The following STPG2 variants were observed in gnomAD, a reference collection of about 807,000 sequenced individuals.
STPG2 encodes the protein sperm tail PG-rich repeat containing 2, also known as sperm-tail PG-rich repeat-containing protein 2.
Under a neutral mutation model 54.2 loss-of-function variants are expected in STPG2, and 56 were observed. That is an observed-to-expected ratio of 1.03 (90% CI 0.83 to 1.29). The LOEUF (loss-of-function observed/expected upper bound fraction) is 1.29, where lower values mean the gene tolerates loss of function less well. Among genes scored for constraint, STPG2 ranks in the 50% most tolerant of loss-of-function variants. STPG2 has a pLI of 0.00. For synonymous variants in STPG2, 200 were observed against 181.8 expected, an observed-to-expected ratio of 1.10 and a Z score of -0.81; for missense variants, 596 against 544.9, an observed-to-expected ratio of 1.09 and a Z score of -0.93.
At position 98,021,302 on chromosome 4, in the gene STPG2, G is replaced by A. The variant is rs1433029870; in HGVS notation, c.613-39984C>T. On this transcript the variant is annotated intron_variant, in intron 5 of 10. Coordinates refer to ENST00000295268, the MANE Select transcript of STPG2 (RefSeq NM_174952.3). ...CCCAGTAGTCATTCAGGAGCAGGTTGTTCAGTTTCCATGTAGTTGAGCGGT... is the reference window on the plus strand; with the variant it reads ...CCCAGTAGTCATTCAGGAGCAGGTTATTCAGTTTCCATGTAGTTGAGCGGT... Among the ~76,000 whole-genome samples the A allele has an allele frequency of 2.2e-4, 28 of 127,026 alleles. 4 individuals are homozygous for A. The highest frequency in any genetic ancestry group is 1.8e-3 in the Admixed American group (24 of 13,344). The allele number at this position is 127,026 out of a possible 152,430, so 83.3% of individuals were successfully genotyped here.
intron 10 of STPG2, among the ~76,000 whole-genome samples, chr4:97,574,874 G>A (rs1213690011): frequency 2.0e-5 from 3 of 151,782 alleles, no homozygotes; most frequent in Non-Finnish European, 4.4e-5. Context: ...CAATGTATAT[G>A]TAAAAAATTT....
Position 98,143,247 on chromosome 4 carries a change from GTC to G in STPG2, c.-99_-98del. 5.7e-6 allele frequency: 5 copies of G among 870,052 alleles called. No homozygotes were observed. Among genetic ancestry groups the G allele is most frequent in the Non-Finnish European group, 7.1e-6 (4 of 563,858 alleles). 53.9% of individuals were successfully genotyped at this position (870,052 alleles called of 1,614,324 possible). On this transcript the variant is annotated 5_prime_UTR_variant, in exon 1 of 11. It removes the in-frame stop codon of an upstream open reading frame in the 5' UTR. Coordinates refer to ENST00000295268, the MANE Select transcript of STPG2 (RefSeq NM_174952.3). ...GTGGAGAAAAAGGAAGCCGACACCA[GTC>G]TGAGGAGGCCGGGAAAGAACTTCCG...
chr4:97,958,802 C>G (rs568111195), intron 7 of STPG2, among the ~76,000 whole-genome samples: 1 of 152,258 alleles, frequency 6.6e-6, no homozygotes, highest in South Asian at 2.1e-4. Flanking sequence ...ACGCACAGCA[C>G]TAGACAGGTC....
intron 5 of STPG2, among the ~76,000 whole-genome samples, chr4:98,071,224 G>A (rs1323951952): frequency 6.6e-6 from 1 of 152,098 alleles, no homozygotes; most frequent in Non-Finnish European, 1.5e-5. Context: ...CAGACTCATA[G>A]ACAAATGAAA....
intron 5 of STPG2, among the ~76,000 whole-genome samples, chr4:98,078,503 A>G (rs1738240416): frequency 6.6e-6 from 1 of 152,040 alleles, no homozygotes; most frequent in Non-Finnish European, 1.5e-5. Flanking sequence ...TCAGTGTTTT[A>G]AGTATATACA....
At chr4:98,066,919 A>G (rs959108018) in intron 5 of STPG2, among the ~76,000 whole-genome samples, 4 of 152,194 alleles carry the variant, frequency 2.6e-5, no homozygotes, top group South Asian at 4.1e-4. Context: ...TTAAATATAT[A>G]ATATGTATTC....
At chr4:98,070,532 G>A (rs551736955) in intron 5 of STPG2, among the ~76,000 whole-genome samples, 1 of 151,434 alleles carries the variant, frequency 6.6e-6, no homozygotes, top group Admixed American at 6.6e-5. Flanking sequence ...TATGGCAAGA[G>A]AAAGAAATAA....
At chr4:97,684,546 ATAAG>A (rs1239056435) in intron 10 of STPG2, among the ~76,000 whole-genome samples, 1 of 152,010 alleles carries the variant, frequency 6.6e-6, no homozygotes, top group East Asian at 1.9e-4. Context: ...GCAAAAAATA[ATAAG>A]TAAGAACCTA....
At chr4:97,812,541 T>TA (rs1197714304) in intron 9 of STPG2, among the ~76,000 whole-genome samples, 3 of 152,178 alleles carry the variant, frequency 2.0e-5, no homozygotes, top group Non-Finnish European at 4.4e-5. Context: ...TGTTGAGTTA[T>TA]ATGTTTTCCA....
intron 5 of STPG2, among the ~76,000 whole-genome samples, chr4:98,042,585 T>C (rs574900486): frequency 2.6e-4 from 40 of 152,060 alleles, no homozygotes; most frequent in African/African-American, 9.6e-4. Flanking sequence ...CAGGAGCCTG[T>C]TGTTTAATCT....
At chr4:98,131,939 T>A (rs1043279737) in intron 2 of STPG2, among the ~76,000 whole-genome samples, 2 of 152,104 alleles carry the variant, frequency 1.3e-5, no homozygotes, top group Non-Finnish European at 2.9e-5. Context: ...AATATAGTAG[T>A]CCACCTTTAA....
intron 8 of STPG2, among the ~76,000 whole-genome samples, chr4:97,873,577 A>T (rs1730066353): frequency 6.8e-6 from 1 of 146,790 alleles, no homozygotes; most frequent in African/African-American, 2.4e-5. Context: ...GTACAATCCT[A>T]AAAAATATCA....
intron 10 of STPG2, among the ~76,000 whole-genome samples, chr4:97,628,666 C>A (rs371433503): frequency 1.3e-5 from 2 of 151,980 alleles, no homozygotes; most frequent in African/African-American, 4.8e-5. Flanking sequence ...TTACAGATAG[C>A]AGAATTCAGT....
intron 9 of STPG2, among the ~76,000 whole-genome samples, chr4:97,833,950 C>T (rs991655753): frequency 7.9e-5 from 12 of 152,186 alleles, no homozygotes; most frequent in African/African-American, 2.4e-4. Context: ...GACAGTGTGG[C>T]GATTACTCAA....
chr4:97,836,898 T>C (rs867655544), intron 9 of STPG2, among the ~76,000 whole-genome samples: 1 of 149,808 alleles, frequency 6.7e-6, no homozygotes, highest in Non-Finnish European at 1.5e-5. Flanking sequence ...TAATAAATTA[T>C]ATTATTAATT....
intron 5 of STPG2, among the ~76,000 whole-genome samples, chr4:97,993,647 A>G (rs974000143): frequency 1.3e-5 from 2 of 151,666 alleles, no homozygotes; most frequent in African/African-American, 4.8e-5. Flanking sequence ...GTGGGATAGT[A>G]TCAATAGGAT....
intron 7 of STPG2, among the ~76,000 whole-genome samples, chr4:97,969,347 A>G (rs1232780074): frequency 7.9e-5 from 12 of 152,220 alleles, no homozygotes; most frequent in Non-Finnish European, 1.3e-4. Flanking sequence ...GTTATGTCAA[A>G]GAATTACTTC....
At chr4:97,713,731 C>T (rs113195194) in intron 9 of STPG2, among the ~76,000 whole-genome samples, 1,824 of 152,276 alleles carry the variant, frequency 0.012, 30 homozygotes, top group African/African-American at 0.042. Context: ...AGTCTGATTT[C>T]TAACAGGCCA....
At chr4:97,873,977 A>G (rs931201446) in intron 8 of STPG2, among the ~76,000 whole-genome samples, 1 of 151,496 alleles carries the variant, frequency 6.6e-6, no homozygotes, top group African/African-American at 2.4e-5. Context: ...TTTTCTTTAT[A>G]TTTTTTCTCT....
Sources: gnomAD v4.1 joint callset for allele counts (sites outside exome capture counted in the v4.1 genomes callset) on GRCh38, gnomAD v4.1.1 for gene constraint, MANE v1.5 for transcripts, NCBI Gene and HGNC (gene_info 2026-07-23, HGNC 2026-07-21) for gene names.